The following DCTN1 variants were observed in gnomAD, a reference collection of about 807,000 sequenced individuals.
DCTN1 encodes dynactin subunit 1.
In DCTN1, 61 loss-of-function variants were observed where a neutral mutation model predicts 161.2. The observed-to-expected ratio is 0.38, with a 90% CI of 0.31 to 0.47. The LOEUF (loss-of-function observed/expected upper bound fraction) is 0.47, where lower values mean the gene tolerates loss of function less well. DCTN1 is among the 20% of genes least tolerant of loss of function. The pLI is 0.99. For synonymous variants in DCTN1, 653 were observed against 632.4 expected (o/e 1.03, Z -0.49); for missense variants, 1,404 against 1,623.7 (o/e 0.86, Z 2.33).
upstream of DCTN1, chr2:74,385,065 G>A (rs1341196195): frequency 2.6e-5 from 4 of 152,000 alleles, no homozygotes; most frequent in East Asian, 1.9e-4. Context: ...TCTGCCTTGC[G>A]GATTTCATAG....
chr2:74,373,172 T>G (rs1674993609), intron 6 of DCTN1: 1 of 622,104 alleles, frequency 1.6e-6, no homozygotes, highest in African/African-American at 1.8e-5. Flanking sequence ...CTGCTCCCAC[T>G]TTTGTCCAAT....
intron 4 of DCTN1, among the ~76,000 whole-genome samples, 167 bp downstream of exon 4, chr2:74,377,265 C>G (rs768591148): frequency 6.6e-6 from 1 of 152,182 alleles, no homozygotes; most frequent in African/African-American, 2.4e-5. Context: ...TACTGTAACT[C>G]TAACACAGCA....
intron 7 of DCTN1, chr2:74,372,004 C>A: frequency 2.3e-6 from 1 of 436,794 alleles, no homozygotes; most frequent in East Asian, 4.4e-5. Context: ...TATAAGGCTC[C>A]TCGCTTGGCA....
chr2:74,369,865 G>T lies in DCTN1; in HGVS notation c.1392+100C>A. On this transcript the variant is annotated intron_variant, in intron 13 of 31. Coordinates refer to ENST00000628224, the MANE Select transcript of DCTN1 (RefSeq NM_004082.5). This position sits in a 1 kb window ranked among gnomAD's most constrained non-coding sequence, Gnocchi z 4.9. ...AGGGTCAGGGTAGCAAGCCCAGGCT[G>T]GGTCCCTCACCGCACACCCTGCTCA... 8.6e-7 allele frequency: 1 copy of T among 1,165,694 alleles called. No homozygotes were observed. Among genetic ancestry groups the T allele is most frequent in the Non-Finnish European group, 1.3e-6 (1 of 780,308 alleles). The allele number at this position is 1,165,694 out of a possible 1,614,324, so 72.2% of individuals were successfully genotyped here.
chr2:74,382,543 G>C (rs1675555798), upstream of DCTN1, among the ~76,000 whole-genome samples: 1 of 149,716 alleles, frequency 6.7e-6, no homozygotes, highest in Non-Finnish European at 1.5e-5. Flanking sequence ...GAAGGTTGCA[G>C]TGAGCCAAGG....
intron 1 of DCTN1, 148 bp downstream of exon 1, chr2:74,379,857 G>A: frequency 1.2e-6 from 1 of 808,676 alleles, no homozygotes; most frequent in African/African-American, 1.7e-5. Flanking sequence ...TACACCACCA[G>A]GGCTTCGAGG....
rs978586755 is a variant in DCTN1, at chr2:74,367,549, G to C, written c.2185-129C>G. On this transcript the variant is annotated intron_variant, in intron 18 of 31. Coordinates refer to ENST00000628224, the MANE Select transcript of DCTN1 (RefSeq NM_004082.5). ...CAAGAGAATCCAAAGCCCTCAAGCA[G>C]CTGCATCATATGGAGAGTTCATCTA... 6 of 1,473,650 alleles carry C rather than the reference G, an allele frequency of 4.1e-6. No individual in the cohort carries two copies. In the African/African-American group the frequency reaches 8.3e-5, roughly 20 times the overall value. 91.3% of individuals were successfully genotyped at this position (1,473,650 alleles called of 1,614,324 possible).
At chr2:74,388,197 A>AAAAACAAAAC (rs56908271) in intron 1 of DCTN1, among the ~76,000 whole-genome samples, 51,922 of 150,708 alleles carry the variant, frequency 0.34, 14,937 homozygotes, top group East Asian at 0.82. Flanking sequence ...ACTGTATCTC[A>AAAAACAAAAC]AAAACAAAAC....
chr2:74,363,072 T>G lies in DCTN1; in HGVS notation c.3451A>C (p.Lys1151Gln). The change falls in exon 29 of 32, where the codon AAG (lysine) becomes CAG (glutamine). Residue 1151 changes from lysine to glutamine, a missense_variant. Physicochemically the swap from Lys to Gln is moderately conservative, Grantham distance 53 (BLOSUM62 1). Transcript: ENST00000628224. ...SELPAGALYR[K>Q]TSQLLETLNQ... The stretch of plus-strand genomic sequence containing the variant: ...AATGTCTCCAGCAGCTGGCTGGTCT[T>G]ACGATACAGCGCTCCAGCTGGTAAC... 6.2e-7 allele frequency: 1 copy of G among 1,614,008 alleles called. No individual in the cohort carries two copies.
At chr2:74,377,766 T>A (rs1222490048) in intron 2 of DCTN1, 40 bp from the exon 3 acceptor site, 1 of 1,586,616 alleles carries the variant, frequency 6.3e-7, no homozygotes, top group Admixed American at 1.7e-5. Flanking sequence ...ATAGTTTCAA[T>A]ATAGCCAGAT....
At position 74,365,101 on chromosome 2, in the gene DCTN1, G is replaced by C; in HGVS notation, c.3170C>G (p.Ala1057Gly). Residue 1057 changes from alanine to glycine, a missense_variant, in exon 26 of 32, where the codon GCT (alanine) becomes GGT (glycine). Coordinates refer to ENST00000628224, the MANE Select transcript of DCTN1 (RefSeq NM_004082.5). ...GLRGPPPSGI[A>G]TLVSGIAGEE... The stretch of plus-strand genomic sequence containing the variant: ...ACCAGCAATGCCAGAGACCAGAGTA[G>C]CAATGCCTGAAGGAGGAGGGCCCCG... 1 of 1,614,166 alleles carries C rather than the reference G, an allele frequency of 6.2e-7. No individual in the cohort carries two copies. The highest frequency in any genetic ancestry group is 8.5e-7 in the Non-Finnish European group (1 of 1,180,038).
intron 1 of DCTN1, among the ~76,000 whole-genome samples, chr2:74,388,496 A>G (rs1261610505): frequency 6.6e-6 from 1 of 152,228 alleles, no homozygotes; most frequent in East Asian, 1.9e-4. Context: ...ATGCATCTGC[A>G]AATGTTACAA....
In DCTN1 at chr2:74,366,354, T is replaced by C; in HGVS notation, c.2650A>G (p.Ser884Gly). Residue 884 changes from serine (S) to glycine (G), a missense_variant, in exon 23 of 32, where the codon AGC (serine) becomes GGC (glycine). This residue lies in a region of DCTN1 where 475 missense variants were observed against 489.8 expected (regional missense o/e 0.97). Coordinates refer to ENST00000628224, the MANE Select transcript of DCTN1 (RefSeq NM_004082.5). Reference protein sequence around the residue: ...SEQIYGTPSSSPYECLRQSCN... With the variant: ...SEQIYGTPSSGPYECLRQSCN... Reference sequence around the variant, plus strand: ...GACTGGCGCAGACACTCATAGGGGCTGCTGGAGGGGGTCCCATAGATCTGC... The same window carrying C: ...GACTGGCGCAGACACTCATAGGGGCCGCTGGAGGGGGTCCCATAGATCTGC... 1 of 1,614,220 alleles carries C rather than the reference T, an allele frequency of 6.2e-7. No homozygotes were observed. The highest frequency in any genetic ancestry group is 1.1e-5 in the South Asian group (1 of 91,080).
chr2:74,367,186 T>A, intron 19 of DCTN1, 79 bp from the exon 20 acceptor site: 2 of 1,576,418 alleles, frequency 1.3e-6, no homozygotes, highest in Non-Finnish European at 1.7e-6. Context: ...GAAGTCCCCA[T>A]CCTCTGCTGA....
intron 7 of DCTN1, 98 bp downstream of exon 7, chr2:74,372,830 G>A (rs1674958569): frequency 4.0e-6 from 5 of 1,252,864 alleles, no homozygotes; most frequent in Middle Eastern, 1.9e-4. Flanking sequence ...ACACTATGAC[G>A]AACTTTCACT....
In DCTN1 at chr2:74,366,798, C is replaced by T; in HGVS notation, c.2451G>A (p.Leu817=). ...GTDAPGIPAA[L]AFGPQVSDTL... is the part of the protein sequence containing the mutation. ...AGCCTTAAACCTGTGGTCCAAAGGC[C>T]AGTGCAGCTGGGATCCCAGGAGCAT... The change falls in exon 21 of 32, where the codon CTG becomes CTA. Residue 817 remains leucine, a synonymous_variant. Coordinates refer to ENST00000628224, the MANE Select transcript of DCTN1 (RefSeq NM_004082.5). 2.5e-6 allele frequency: 4 copies of T among 1,614,246 alleles called. No individual in the cohort carries two copies. Among genetic ancestry groups the T allele is most frequent in the Non-Finnish European group, 3.4e-6 (4 of 1,180,042 alleles).
intron 23 of DCTN1, 64 bp downstream of exon 23, chr2:74,366,180 C>G (rs1031165508): frequency 6.2e-7 from 1 of 1,612,826 alleles, no homozygotes; most frequent in Non-Finnish European, 8.5e-7. Context: ...CCACAACTAG[C>G]AGTAGCTCTG....
intron 1 of DCTN1, chr2:74,390,687 G>C (rs1207383343): frequency 2.2e-6 from 1 of 447,586 alleles, no homozygotes; most frequent in Non-Finnish European, 4.6e-6. Flanking sequence ...TTGCTACTCA[G>C]ATTGTGTTCC....
chr2:74,365,500 G>A lies in DCTN1; in HGVS notation c.3029+15C>T. 2 of 1,614,106 alleles carry A rather than the reference G, an allele frequency of 1.2e-6. No individual in the cohort carries two copies. The highest frequency in any genetic ancestry group is 1.7e-6 in the Non-Finnish European group (2 of 1,180,022). On this transcript the variant is annotated intron_variant, in intron 25 of 31. Coordinates refer to ENST00000628224, the MANE Select transcript of DCTN1 (RefSeq NM_004082.5). ...GAGGATTAGAGGAAGCAAGGCCCCA[G>A]GGAAAGTGCCTGACTTCTCCTTCTT...
Sources: allele counts gnomAD v4.1 joint callset (sites outside exome capture counted in the v4.1 genomes callset), GRCh38; gene constraint gnomAD v4.1.1; regional missense constraint gnomAD v4.1.1; non-coding constraint Gnocchi (gnomAD v3.1); transcripts MANE v1.5; gene names NCBI Gene and HGNC (gene_info 2026-07-23, HGNC 2026-07-21).